Variants in IK observed in about 807,000 individuals in gnomAD.
The protein encoded by IK is IK cytokine, also known as protein Red.
IK carries 47 observed loss-of-function variants against 90.9 expected under a neutral mutation model. That is an observed-to-expected ratio of 0.52 (90% CI 0.41 to 0.66). The LOEUF (loss-of-function observed/expected upper bound fraction) is 0.66, where lower values mean the gene tolerates loss of function less well. Ranked by LOEUF, IK falls within the 30% of genes least tolerant of loss-of-function variation. IK has a pLI of 0.00. For synonymous variants in IK, 201 were observed against 227.5 expected, an observed-to-expected ratio of 0.88 and a Z score of 1.05; for missense variants, 385 against 709.3, an observed-to-expected ratio of 0.54 and a Z score of 5.19.
In IK at chr5:140,652,972, C is replaced by A; in HGVS notation, c.237-5C>A. On this transcript the variant is annotated splice_polypyrimidine_tract_variant and splice_region_variant and intron_variant, in intron 4 of 19. Transcript: ENST00000417647. Reference sequence around the variant, plus strand: ...CCTTATACATTTGCCTTTCTCTGGTCACAGTTATTATGCCAAGCTACGCCA... The same window carrying A: ...CCTTATACATTTGCCTTTCTCTGGTAACAGTTATTATGCCAAGCTACGCCA... The A allele has an allele frequency of 1.2e-6, 2 of 1,612,834 alleles. No homozygotes were observed. Among genetic ancestry groups the A allele is most frequent in the South Asian group, 2.2e-5 (2 of 91,002 alleles).
chr5:140,659,120 A>G lies in IK; in HGVS notation c.1132A>G (p.Lys378Glu). The change falls in exon 12 of 20, where the codon AAG (lysine) becomes GAG (glutamate). Residue 378 changes from lysine to glutamate, a missense_variant. Transcript: ENST00000417647. Reference sequence around the variant, plus strand: ...GCGGGACCGAGAGAGAGAAGAGGAAAAGAAGAGACACAGCTACTTTGAGAA... The same window carrying G: ...GCGGGACCGAGAGAGAGAAGAGGAAGAGAAGAGACACAGCTACTTTGAGAA... ...RERDREREEE[K>E]KRHSYFEKPK... 1 of 1,602,582 alleles carries G rather than the reference A, an allele frequency of 6.2e-7. No homozygotes were observed. Among genetic ancestry groups the G allele is most frequent in the Middle Eastern group, 1.7e-4 (1 of 6,054 alleles).
chr5:140,657,523 G>GT (rs1262510597), intron 9 of IK, 31 bp from the exon 10 acceptor site: 1 of 1,451,706 alleles, frequency 6.9e-7, no homozygotes, highest in Admixed American at 2.0e-5. Flanking sequence ...CTGCTGAGTG[G>GT]TTTAACATTC....
chr5:140,656,832 G>A (rs188420382), intron 9 of IK, among the ~76,000 whole-genome samples: 151 of 152,240 alleles, frequency 9.9e-4, no homozygotes, highest in Admixed American at 1.6e-3. Flanking sequence ...TAGTCACCCT[G>A]TTGTGCTATC....
At chr5:140,659,944 C>A (rs1407293862) in intron 14 of IK, 110 bp downstream of exon 14, 9 of 964,086 alleles carry the variant, frequency 9.3e-6, no homozygotes, top group East Asian at 5.2e-5. Flanking sequence ...CCCTTTTACG[C>A]TGAATTTTGA....
chr5:140,659,797 A>C lies in IK; in HGVS notation c.1237A>C (p.Lys413Gln). Reference sequence around the variant, plus strand: ...GGAGTTGATCAAGTCCATCAATGAAAAGTTTGCTGGGTCTGCTGGCTGGGA... The same window carrying C: ...GGAGTTGATCAAGTCCATCAATGAACAGTTTGCTGGGTCTGCTGGCTGGGA... ...TKELIKSINEKFAGSAGWEGT... is the reference protein window; with the variant it reads ...TKELIKSINEQFAGSAGWEGT... The change falls in exon 14 of 20, where the codon AAG (lysine) becomes CAG (glutamine). Residue 413 changes from lysine (K) to glutamine (Q), a missense_variant. Physicochemically the swap from Lys to Gln is moderately conservative, Grantham distance 53 (BLOSUM62 1). This residue lies in a region of IK where 139 missense variants were observed against 172.0 expected (regional missense o/e 0.81). Transcript: ENST00000417647. The C allele has an allele frequency of 6.2e-7, 1 of 1,601,204 alleles. No individual in the cohort carries two copies. The highest frequency in any genetic ancestry group is 2.2e-5 in the East Asian group (1 of 44,632).
At position 140,660,758 on chromosome 5, in the gene IK, G is replaced by A; in HGVS notation, c.1356G>A (p.Thr452=). 6.2e-7 allele frequency: 1 copy of A among 1,613,074 alleles called. No individual in the cohort carries two copies. The highest frequency in any genetic ancestry group is 1.7e-5 in the Admixed American group (1 of 60,020). ...CTGTTTAACTCTTGCTTCTCCTTAG[G>A]ATGGATGACATGGCTGTGGATAGTG... ...SNSYAECYPA[T]MDDMAVDSDE... The change falls in exon 16 of 20, where the codon ACG becomes ACA. Residue 452 remains threonine, a splice_region_variant and synonymous_variant. Coordinates refer to ENST00000417647, the MANE Select transcript of IK (RefSeq NM_006083.4).
intron 15 of IK, 76 bp from the exon 16 acceptor site, chr5:140,660,680 CCT>C: frequency 8.9e-7 from 1 of 1,128,336 alleles, no homozygotes; most frequent in Non-Finnish European, 1.3e-6. Flanking sequence ...ATGCAGATAA[CCT>C]CTTAGTCGGG....
chr5:140,658,594 AC>A, intron 10 of IK, 142 bp from the exon 11 acceptor site: 2 of 669,826 alleles, frequency 3.0e-6, no homozygotes, highest in Non-Finnish European at 5.4e-6. Context: ...TGCTGGGATT[AC>A]AGGCGTGAGC....
At chr5:140,648,293 C>T in intron 1 of IK, 178 bp from the exon 2 acceptor site, 1 of 719,098 alleles carries the variant, frequency 1.4e-6, no homozygotes, top group Non-Finnish European at 2.5e-6. Flanking sequence ...GGATTAGGGT[C>T]CTCTGCTTTG....
chr5:140,648,457 AT>A lies in IK; in HGVS notation c.17-6del, dbSNP rs557124153. 5.0e-6 allele frequency: 8 copies of A among 1,611,684 alleles called. No individual in the cohort carries two copies. Among genetic ancestry groups the A allele is most frequent in the Non-Finnish European group, 6.8e-6 (8 of 1,177,968 alleles). On this transcript the variant is annotated splice_polypyrimidine_tract_variant and intron_variant, in intron 1 of 19. Coordinates refer to ENST00000417647, the MANE Select transcript of IK (RefSeq NM_006083.4). ...TAAGAGACTGATTAAATTAACGTCA[AT>A]TTTTTTTGTCAGGTGAGCCGTTCTC...
intron 10 of IK, 109 bp from the exon 11 acceptor site, chr5:140,658,628 C>T (rs1561978799): frequency 1.4e-5 from 13 of 957,856 alleles, no homozygotes; most frequent in East Asian, 8.0e-5. Context: ...CCTTGACCCA[C>T]GTTTTAAACA....
Position 140,652,967 on chromosome 5 carries a change from CTG to C in IK, c.237-9_237-8del. The stretch of plus-strand genomic sequence containing the variant: ...ATGAGCCTTATACATTTGCCTTTCT[CTG>C]GTCACAGTTATTATGCCAAGCTACG... On this transcript the variant is annotated splice_region_variant and splice_polypyrimidine_tract_variant and intron_variant, in intron 4 of 19. Coordinates refer to ENST00000417647, the MANE Select transcript of IK (RefSeq NM_006083.4). 1 of 1,612,706 alleles carries C rather than the reference CTG, an allele frequency of 6.2e-7. No individual in the cohort carries two copies. Among genetic ancestry groups the C allele is most frequent in the South Asian group, 1.1e-5 (1 of 91,002 alleles).
At chr5:140,651,452 A>G (rs1757614481) in intron 2 of IK, among the ~76,000 whole-genome samples, 1 of 143,704 alleles carries the variant, frequency 7.0e-6, no homozygotes, top group Admixed American at 7.1e-5. Flanking sequence ...AAAAAAAAAA[A>G]AAAGCTGGGT....
chr5:140,658,555 A>C (rs539160368), intron 10 of IK, among the ~76,000 whole-genome samples, 182 bp from the exon 11 acceptor site: 1 of 151,312 alleles, frequency 6.6e-6, no homozygotes, highest in East Asian at 2.0e-4. Context: ...CCTGACCTCA[A>C]GTGATCCGCC....
rs776218106 is a variant in IK, at chr5:140,661,601, C to T, written c.1414-19C>T. 3.8e-6 allele frequency: 6 copies of T among 1,571,554 alleles called. No individual in the cohort carries two copies. Among genetic ancestry groups the T allele is most frequent in the East Asian group, 2.3e-5 (1 of 43,920 alleles). On this transcript the variant is annotated intron_variant, in intron 16 of 19. Transcript: ENST00000417647. The surrounding 1 kb of genome is among the most constrained non-coding windows in gnomAD (Gnocchi z 4.2). ...TGACATCTCTTCCTTCCCCATCCCC[C>T]GATTCTGTCCTGCAACAGGGTAACA...
intron 9 of IK, 57 bp downstream of exon 9, chr5:140,656,049 C>G (rs1004682070): frequency 2.0e-6 from 3 of 1,512,590 alleles, no homozygotes; most frequent in South Asian, 1.2e-5. Context: ...GGGAATCAGC[C>G]TGGCCTCTGC....
At chr5:140,650,780 T>C (rs535911158) in intron 2 of IK, among the ~76,000 whole-genome samples, 111 of 152,130 alleles carry the variant, frequency 7.3e-4, no homozygotes, top group Non-Finnish European at 1.4e-3. Flanking sequence ...GATATCACCA[T>C]GTTGGCCATG....
At chr5:140,656,842 C>A (rs986349534) in intron 9 of IK, among the ~76,000 whole-genome samples, 5 of 152,174 alleles carry the variant, frequency 3.3e-5, no homozygotes, top group Non-Finnish European at 7.3e-5. Flanking sequence ...GTTGTGCTAT[C>A]ATGTAGTAGG....
chr5:140,649,070 C>T (rs1757560114), intron 2 of IK: 1 of 157,702 alleles, frequency 6.3e-6, no homozygotes, highest in African/African-American at 2.4e-5. Flanking sequence ...ATCCCGACTT[C>T]AGGTGATCCA....
Sources: gnomAD v4.1 joint callset for allele counts (sites outside exome capture counted in the v4.1 genomes callset) on GRCh38, gnomAD v4.1.1 for gene constraint, gnomAD v4.1.1 regional missense constraint, Gnocchi (gnomAD v3.1) non-coding constraint, MANE v1.5 for transcripts, NCBI Gene and HGNC (gene_info 2026-07-23, HGNC 2026-07-21) for gene names.